TFCP2: variants seen among roughly 807,000 people sequenced by gnomAD.
TFCP2 encodes alpha-globin transcription factor CP2.
A neutral mutation model predicts 73.4 loss-of-function variants in TFCP2; 33 were observed. The ratio of observed to expected loss-of-function variants is 0.45; its 90% CI spans 0.34 to 0.60. The LOEUF (loss-of-function observed/expected upper bound fraction) is 0.60, where lower values mean the gene tolerates loss of function less well. Among genes scored for constraint, TFCP2 ranks in the 20% least tolerant of loss-of-function variants. The pLI, the probability that TFCP2 is intolerant of heterozygous loss-of-function variation, is 0.01. For synonymous variants in TFCP2, 193 were observed against 211.6 expected (o/e 0.91, Z 0.76); for missense variants, 352 against 604.0 (o/e 0.58, Z 4.37).
rs760759048 is a variant in TFCP2 at position 51,116,435 on chromosome 12, C to T, written c.352-15G>A. 5.2e-5 allele frequency: 76 copies of T among 1,460,880 alleles called. No homozygotes were observed. The highest frequency in any genetic ancestry group is 7.1e-5 in the Non-Finnish European group (76 of 1,066,066). 90.5% of individuals were successfully genotyped at this position (1,460,880 alleles called of 1,614,324 possible). ...CGGAATATACTCTAAAAGGATACAA[C>T]AAAATCAGATGATAACAAGACCTCT... is the stretch of plus-strand genomic sequence containing the variant. On this transcript the variant is annotated splice_polypyrimidine_tract_variant and intron_variant, in intron 3 of 14. Transcript: ENST00000257915.
intron 2 of TFCP2, among the ~76,000 whole-genome samples, chr12:51,118,384 C>A (rs892470967): frequency 6.6e-6 from 1 of 152,140 alleles, no homozygotes; most frequent in Non-Finnish European, 1.5e-5. Flanking sequence ...GAAACCCTAT[C>A]TCTACTAAAA....
intron 8 of TFCP2, among the ~76,000 whole-genome samples, chr12:51,105,070 G>A (rs1160254279): frequency 6.7e-6 from 1 of 149,966 alleles, no homozygotes; most frequent in South Asian, 2.1e-4. Context: ...ATGATCCAAG[G>A]GTTATCTCCA....
chr12:51,162,332 G>A (rs961575380), intron 1 of TFCP2, among the ~76,000 whole-genome samples: 1 of 151,946 alleles, frequency 6.6e-6, no homozygotes, highest in African/African-American at 2.4e-5. Context: ...TGTAGTCCCC[G>A]CTACGCAGGA....
Position 51,095,277 on chromosome 12 carries a change from T to C in TFCP2, c.1473A>G (p.Ala491=). The change falls in exon 15 of 15, where the codon GCA becomes GCG. Residue 491 remains alanine (A), a splice_region_variant and synonymous_variant. Transcript: ENST00000257915. ...EACFILDTMK[A]ETNDSYHIIL... ...TGATATGATAGCTATCATTGGTTTCTGCTGTTAAAAAAAAGAGAGAGAGAG... is the reference window on the plus strand; with the variant it reads ...TGATATGATAGCTATCATTGGTTTCCGCTGTTAAAAAAAAGAGAGAGAGAG... The C allele has an allele frequency of 6.2e-7, 1 of 1,613,956 alleles. No individual in the cohort carries two copies. The highest frequency in any genetic ancestry group is 8.5e-7 in the Non-Finnish European group (1 of 1,179,972).
chr12:51,165,180 C>T (rs1360766819), intron 1 of TFCP2, among the ~76,000 whole-genome samples: 1 of 152,060 alleles, frequency 6.6e-6, no homozygotes, highest in Non-Finnish European at 1.5e-5. Context: ...CATAGGGAGA[C>T]TTGGTCTCTT....
chr12:51,161,862 T>C (rs1226217039), intron 1 of TFCP2, among the ~76,000 whole-genome samples: 1 of 142,400 alleles, frequency 7.0e-6, no homozygotes, highest in Non-Finnish European at 1.5e-5. Context: ...TTAAATATGC[T>C]CAGAGAGTTG....
In TFCP2 at chr12:51,155,007, C is replaced by G. The variant is rs558596599; in HGVS notation, c.122+17294G>C. Among the ~76,000 whole-genome samples, 4 of 152,236 alleles carry G rather than the reference C, an allele frequency of 2.6e-5. No homozygotes were observed. The East Asian group carries it at 7.7e-4, about 29-fold the overall frequency. ...GTAGGTTGATTGAGGGAGTAAGATC[C>G]ATCCTCAATGTGGGAGGGCAACATC... On this transcript the variant is annotated intron_variant, in intron 1 of 14. Coordinates refer to ENST00000257915, the MANE Select transcript of TFCP2 (RefSeq NM_005653.5).
rs1941884657 is a variant in TFCP2 at position 51,172,557 on chromosome 12, C to T, written c.-135G>A. ...CCACGCAGTGCCCACCAGCCACCCC[C>T]AAGCCCGACCAGCACTGCTCTGTGC... On this transcript the variant is annotated 5_prime_UTR_variant, in exon 1 of 15. Transcript: ENST00000257915. 3 of 1,156,148 alleles carry T rather than the reference C, an allele frequency of 2.6e-6. No homozygotes were observed. Among genetic ancestry groups the T allele is most frequent in the Non-Finnish European group, 3.7e-6 (3 of 815,092 alleles). 71.6% of individuals were successfully genotyped at this position (1,156,148 alleles called of 1,614,324 possible).
At chr12:51,131,258 C>T (rs1419426318) in intron 1 of TFCP2, among the ~76,000 whole-genome samples, 3 of 149,942 alleles carry the variant, frequency 2.0e-5, no homozygotes, top group Non-Finnish European at 3.0e-5. Flanking sequence ...TGGTGTGAAC[C>T]CGGGAGGTGG....
At chr12:51,108,603 C>T (rs977776962) in intron 6 of TFCP2, among the ~76,000 whole-genome samples, 2 of 151,932 alleles carry the variant, frequency 1.3e-5, no homozygotes, top group African/African-American at 4.8e-5. Flanking sequence ...GCAAGACCCC[C>T]TCTCTATAAA....
In TFCP2 at chr12:51,118,791, C is replaced by G. The variant is rs1480784419; in HGVS notation, c.123-19G>C. On this transcript the variant is annotated intron_variant, in intron 1 of 14. Coordinates refer to ENST00000257915, the MANE Select transcript of TFCP2 (RefSeq NM_005653.5). ...GACATCACTAAAATAAAACAAATGA[C>G]TCACATTAATACCTGGCAATGGTGC... 2 of 1,613,370 alleles carry G rather than the reference C, an allele frequency of 1.2e-6. No individual in the cohort carries two copies. Among genetic ancestry groups the G allele is most frequent in the East Asian group, 4.5e-5 (2 of 44,866 alleles).
intron 11 of TFCP2, among the ~76,000 whole-genome samples, chr12:51,101,394 T>C (rs1250862520): frequency 2.0e-5 from 3 of 152,136 alleles, no homozygotes; most frequent in Admixed American, 2.0e-4. Flanking sequence ...GCACCTGTTG[T>C]TCCTTCTGCC....
intron 3 of TFCP2, 131 bp downstream of exon 3, chr12:51,117,540 A>G (rs1940559783): frequency 2.9e-6 from 2 of 681,778 alleles, no homozygotes; most frequent in African/African-American, 3.6e-5. Flanking sequence ...TACTCTGCCA[A>G]CAAATTACTG....
At chr12:51,097,681 T>C (rs531088004) in intron 13 of TFCP2, among the ~76,000 whole-genome samples, 1 of 152,184 alleles carries the variant, frequency 6.6e-6, no homozygotes, top group Admixed American at 6.5e-5. Context: ...CAAACAAATA[T>C]AGTAGGATAA....
chr12:51,105,857 C>G (rs147519637), intron 8 of TFCP2, among the ~76,000 whole-genome samples: 2 of 152,258 alleles, frequency 1.3e-5, no homozygotes, highest in African/African-American at 4.8e-5. Flanking sequence ...CATTTGGTAG[C>G]CTAACTATTT....
chr12:51,108,576 C>T (rs532147460), intron 6 of TFCP2, among the ~76,000 whole-genome samples: 50 of 152,148 alleles, frequency 3.3e-4, no homozygotes, highest in African/African-American at 1.0e-3. Context: ...GAGTTCAAGG[C>T]CAGCCTGGGC....
intron 1 of TFCP2, among the ~76,000 whole-genome samples, chr12:51,143,227 A>C (rs1941226649): frequency 1.3e-5 from 2 of 151,702 alleles, no homozygotes; most frequent in African/African-American, 4.8e-5. Context: ...ATACCTACCT[A>C]ACACTGCCTT....
chr12:51,099,046 T>C, intron 12 of TFCP2, 128 bp from the exon 13 acceptor site: 1 of 1,030,470 alleles, frequency 9.7e-7, no homozygotes. Flanking sequence ...AAATCCTGGC[T>C]CAACCACTTG....
In TFCP2 at chr12:51,135,440, A is replaced by AG. The variant is rs565877863; in HGVS notation, c.123-16669_123-16668insC. Among the ~76,000 whole-genome samples the AG allele has an allele frequency of 8.9e-3, 1,354 of 151,686 alleles. 10 individuals are homozygous for AG. The highest frequency in any genetic ancestry group is 0.037 in the Middle Eastern group (11 of 294). ...AGACTGTCACACACACACACACAAA[A>AG]AAAACAACTACGATCAGATCCTGCT... On this transcript the variant is annotated intron_variant, in intron 1 of 14. Transcript: ENST00000257915.
Sources: allele counts gnomAD v4.1 joint callset (sites outside exome capture counted in the v4.1 genomes callset), GRCh38; gene constraint gnomAD v4.1.1; transcripts MANE v1.5; gene names NCBI Gene and HGNC (gene_info 2026-07-23, HGNC 2026-07-21).